The following STK10 variants were observed in gnomAD, a reference collection of about 807,000 sequenced individuals.
STK10 encodes the protein serine/threonine-protein kinase 10.
In STK10, 78 loss-of-function variants were observed where a neutral mutation model predicts 113.8. That is an observed-to-expected ratio of 0.69 (90% CI 0.57 to 0.83). STK10 has a LOEUF of 0.83. Ranked by LOEUF, STK10 falls within the 40% of genes least tolerant of loss-of-function variation. The pLI is 0.00. For synonymous variants in STK10, 465 were observed against 494.7 expected, an observed-to-expected ratio of 0.94 and a Z score of 0.80; for missense variants, 1,109 against 1,280.1, an observed-to-expected ratio of 0.87 and a Z score of 2.04.
intron 18 of STK10, among the ~76,000 whole-genome samples, chr5:172,047,676 A>G (rs1321649571): frequency 2.0e-5 from 3 of 152,160 alleles, no homozygotes; most frequent in African/African-American, 7.2e-5. Flanking sequence ...TCCAGACCAC[A>G]GTTACAGTAA....
intron 1 of STK10, among the ~76,000 whole-genome samples, chr5:172,184,952 C>T (rs1325374381): frequency 6.6e-6 from 1 of 152,156 alleles, no homozygotes; most frequent in Non-Finnish European, 1.5e-5. Context: ...TGAGCCACAG[C>T]ACCTGGCCCT....
In STK10 at chr5:172,146,002, A is replaced by G. The variant is rs142140073; in HGVS notation, c.321+10622T>C. On this transcript the variant is annotated intron_variant, in intron 2 of 18. Transcript: ENST00000176763. ...AGCTCACACCTCCCACAGGACAGTA[A>G]AACACTGCGCACACACACACACTGT... is the stretch of plus-strand genomic sequence containing the variant. Among the ~76,000 whole-genome samples, 5 of 152,334 alleles carry G rather than the reference A, an allele frequency of 3.3e-5. No individual in the cohort carries two copies. In the East Asian group the frequency reaches 9.6e-4, roughly 29 times the overall value.
chr5:172,050,488 T>G (rs1767603680), intron 18 of STK10, among the ~76,000 whole-genome samples: 1 of 152,164 alleles, frequency 6.6e-6, no homozygotes, highest in Non-Finnish European at 1.5e-5. Context: ...GCCCAGGTAG[T>G]CGAAATGAGC....
chr5:172,105,610 T>C, intron 7 of STK10, 46 bp downstream of exon 7: 1 of 1,600,166 alleles, frequency 6.2e-7, no homozygotes, highest in Non-Finnish European at 8.6e-7. Flanking sequence ...GTGAGTTCAT[T>C]AGGCTCCACC....
In STK10 at chr5:172,187,194, C is replaced by T. The variant is rs1204013863; in HGVS notation, c.156+693G>A. ...CCCACTCCACAAAAGCTCTCTGCCG[C>T]GTCTTCCTCTAGGGGAGAGGTGACT... On this transcript the variant is annotated intron_variant, in intron 1 of 18. Transcript: ENST00000176763. The surrounding 1 kb of genome is among the most constrained non-coding windows in gnomAD (Gnocchi z 4.6). Among the ~76,000 whole-genome samples the T allele has an allele frequency of 2.6e-5, 4 of 152,156 alleles. No individual in the cohort carries two copies. Among genetic ancestry groups the T allele is most frequent in the Admixed American group, 1.3e-4 (2 of 15,264 alleles).
chr5:172,090,332 G>A lies in STK10; in HGVS notation c.1585C>T (p.Arg529Trp). ...DPKLYKKTLK[R>W]TRKFVVDGVE... ...CCATCCACCACAAATTTGCGTGTCC[G>A]CTTGAGGGTTTTTTTGTACAGTTTC... Residue 529 changes from arginine to tryptophan, a missense_variant, in exon 10 of 19, where the codon CGG becomes TGG. By Grantham distance (101) the Arg-to-Trp change is moderately radical. This residue lies in a region of STK10 where 885 missense variants were observed against 991.1 expected (regional missense o/e 0.89). Transcript: ENST00000176763. 1.9e-6 allele frequency: 3 copies of A among 1,613,932 alleles called. No individual in the cohort carries two copies. Among genetic ancestry groups the A allele is most frequent in the Non-Finnish European group, 2.5e-6 (3 of 1,179,948 alleles).
chr5:172,156,787 G>C lies in STK10; in HGVS notation c.158C>G (p.Ala53Gly). The C allele has an allele frequency of 6.2e-7, 1 of 1,613,182 alleles. No individual in the cohort carries two copies. Among genetic ancestry groups the C allele is most frequent in the Non-Finnish European group, 8.5e-7 (1 of 1,179,302 alleles). Residue 53 changes from alanine to glycine, a missense_variant and splice_region_variant, in exon 2 of 19, where the codon GCC becomes GGC. Physicochemically the swap from Ala to Gly is moderately conservative, Grantham distance 60 (BLOSUM62 0). Coordinates refer to ENST00000176763, the MANE Select transcript of STK10 (RefSeq NM_005990.4). ...GDGAFGKVYK[A>G]KNKETGALAA... ...CAAAGCACCCGTCTCCTTATTCTTGGCCTGCAAAGAGGAGATACAGGAGGT... is the reference window on the plus strand; with the variant it reads ...CAAAGCACCCGTCTCCTTATTCTTGCCCTGCAAAGAGGAGATACAGGAGGT...
chr5:172,144,995 C>A (rs984208276), intron 2 of STK10, among the ~76,000 whole-genome samples: 4 of 152,100 alleles, frequency 2.6e-5, no homozygotes, highest in Non-Finnish European at 1.5e-5. Flanking sequence ...GCCCACAGGT[C>A]GCAAGCACTG....
chr5:172,055,667 G>A lies in STK10; in HGVS notation c.2447C>T (p.Thr816Met), dbSNP rs200598766. The change falls in exon 16 of 19, where the codon ACG (threonine) becomes ATG (methionine). Residue 816 changes from threonine (T) to methionine (M), a missense_variant. By Grantham distance (81) the Thr-to-Met change is moderately conservative. Coordinates refer to ENST00000176763, the MANE Select transcript of STK10 (RefSeq NM_005990.4). ...LPKIQRSEGK[T>M]RMAMYKKSLH... is the part of the protein sequence containing the mutation. ...GCTCTTCTTGTACATGGCCATGCGC[G>A]TCTTGCCCTCACTCCTCTGGATCTT... 62 of 1,584,890 alleles carry A rather than the reference G, an allele frequency of 3.9e-5. No homozygotes were observed. Among genetic ancestry groups the A allele is most frequent in the Middle Eastern group, 1.7e-4 (1 of 5,912 alleles).
At chr5:172,180,930 G>A (rs1323222372) in intron 1 of STK10, among the ~76,000 whole-genome samples, 2 of 152,164 alleles carry the variant, frequency 1.3e-5, no homozygotes, top group East Asian at 3.8e-4. Context: ...AACATACCAG[G>A]GAGTGATTCT....
intron 18 of STK10, among the ~76,000 whole-genome samples, chr5:172,052,366 A>G (rs1250851692): frequency 6.6e-6 from 1 of 152,214 alleles, no homozygotes; most frequent in African/African-American, 2.4e-5. Context: ...ATTCTTCCCC[A>G]GAAACTTCAG....
At chr5:172,178,941 T>C (rs1001259461) in intron 1 of STK10, among the ~76,000 whole-genome samples, 1 of 152,034 alleles carries the variant, frequency 6.6e-6, no homozygotes, top group South Asian at 2.1e-4. Context: ...AAGCCAGGGA[T>C]CCTGTGGAAC....
chr5:172,062,896 T>C (rs768986429), intron 13 of STK10, among the ~76,000 whole-genome samples: 6 of 152,260 alleles, frequency 3.9e-5, no homozygotes, highest in Non-Finnish European at 4.4e-5. Flanking sequence ...GTAAACTTTA[T>C]GTTATGACTA....
intron 12 of STK10, among the ~76,000 whole-genome samples, chr5:172,066,326 T>C (rs377218186): frequency 1.9e-4 from 29 of 150,998 alleles, no homozygotes; most frequent in African/African-American, 6.8e-4. Context: ...AGTTTCCTAT[T>C]TTTTTTTTCA....
chr5:172,081,351 CAAAAAAAAAAAA>C (rs58173076), intron 12 of STK10, among the ~76,000 whole-genome samples: 3 of 68,614 alleles, frequency 4.4e-5, no homozygotes, highest in African/African-American at 1.6e-4. Context: ...ACTCCATCTC[CAAAAAAAAAAAA>C]AAAAAAAAAA....
intron 2 of STK10, among the ~76,000 whole-genome samples, chr5:172,144,788 C>A (rs939936826): frequency 1.3e-5 from 2 of 152,112 alleles, no homozygotes; most frequent in African/African-American, 4.8e-5. Flanking sequence ...TGCCATGGGG[C>A]CGGGTGGAGG....
intron 14 of STK10, among the ~76,000 whole-genome samples, chr5:172,058,535 A>ACGGCACCACAG (rs1270680910): frequency 2.6e-5 from 4 of 152,162 alleles, no homozygotes; most frequent in Non-Finnish European, 4.4e-5. Flanking sequence ...GCAGGCTTGG[A>ACGGCACCACAG]CCGTCAAAAG....
chr5:172,107,761 C>T lies in STK10; in HGVS notation c.593+19G>A. 6.2e-7 allele frequency: 1 copy of T among 1,613,216 alleles called. No individual in the cohort carries two copies. The highest frequency in any genetic ancestry group is 8.5e-7 in the Non-Finnish European group (1 of 1,179,426). Reference sequence around the variant, plus strand: ...TTTTACATCCAGTCCATTCCATTTCCAGAAGCTACACGACTCACCAGTAAG... The same window carrying T: ...TTTTACATCCAGTCCATTCCATTTCTAGAAGCTACACGACTCACCAGTAAG... On this transcript the variant is annotated intron_variant, in intron 5 of 18. Transcript: ENST00000176763.
chr5:172,090,086 C>T (rs890245579), intron 10 of STK10, 146 bp downstream of exon 10: 28 of 1,161,260 alleles, frequency 2.4e-5, no homozygotes, highest in Non-Finnish European at 3.0e-5. Context: ...AGTGCAGGAT[C>T]GCAGGCAAAA....
Sources: allele counts gnomAD v4.1 joint callset (sites outside exome capture counted in the v4.1 genomes callset), GRCh38; gene constraint gnomAD v4.1.1; regional missense constraint gnomAD v4.1.1; non-coding constraint Gnocchi (gnomAD v3.1); transcripts MANE v1.5; gene names NCBI Gene and HGNC (gene_info 2026-07-23, HGNC 2026-07-21).